The following ZNF215 variants were observed in gnomAD, a reference collection of about 807,000 sequenced individuals.
ZNF215 encodes the protein zinc finger protein 215, also known as BWSCR2-associated zinc finger protein 2.
Under a neutral mutation model 27.2 loss-of-function variants are expected in ZNF215, and 24 were observed. That is an observed-to-expected ratio of 0.88 (90% CI 0.64 to 1.24). The LOEUF is 1.24. Among genes scored for constraint, ZNF215 ranks in the 50% most tolerant of loss-of-function variants. The pLI is 0.00. For synonymous variants in ZNF215, 210 were observed against 204.0 expected (o/e 1.03, Z -0.25); for missense variants, 675 against 605.7 (o/e 1.11, Z -1.20).
At chr11:6,986,696 A>G (rs1249413350), downstream of ZNF215, among the ~76,000 whole-genome samples, 1 of 151,508 alleles carries the variant, frequency 6.6e-6, no homozygotes, top group Non-Finnish European at 1.5e-5. Flanking sequence ...AGCAAAGGAC[A>G]TGAACAGACA....
At chr11:6,980,574 G>A (rs1165260532) in intron 5 of ZNF215, among the ~76,000 whole-genome samples, 2 of 151,586 alleles carry the variant, frequency 1.3e-5, no homozygotes, top group African/African-American at 2.4e-5. Context: ...CCAGTCATTT[G>A]AAAAATGAAA....
intron 6 of ZNF215, among the ~76,000 whole-genome samples, chr11:6,953,467 T>G (rs1030582759): frequency 1.3e-5 from 2 of 152,222 alleles, no homozygotes; most frequent in African/African-American, 2.4e-5. Flanking sequence ...CCTCCTTTCT[T>G]GCTTCATTTC....
chr11:6,948,010 C>T (rs1002136046), intron 6 of ZNF215, among the ~76,000 whole-genome samples: 2 of 152,190 alleles, frequency 1.3e-5, no homozygotes, highest in Non-Finnish European at 1.5e-5. Flanking sequence ...CAGAAGATGT[C>T]ACCTTAAAGA....
At chr11:6,970,783 G>A (rs1056173945) in intron 5 of ZNF215, among the ~76,000 whole-genome samples, 1 of 152,040 alleles carries the variant, frequency 6.6e-6, no homozygotes, top group Non-Finnish European at 1.5e-5. Flanking sequence ...TACAACATAT[G>A]CTCTGCTTCT....
At chr11:6,942,965 A>G (rs80109328) in intron 4 of ZNF215, 118 bp from the exon 5 acceptor site, 64,465 of 1,435,094 alleles carry the variant, frequency 0.045, 3,180 homozygotes, top group African/African-American at 0.25. Flanking sequence ...GTCCTCAGAC[A>G]TTGTCCTATC....
chr11:6,962,447 T>C (rs573492840), downstream of ZNF215, among the ~76,000 whole-genome samples: 2 of 152,268 alleles, frequency 1.3e-5, no homozygotes, highest in South Asian at 2.1e-4. Flanking sequence ...GGGATCCAAA[T>C]TGATCTGATA....
rs755610347 is a variant in ZNF215 at position 6,955,801 on chromosome 11, G to A, written c.824G>A (p.Arg275Lys). The change falls in exon 7 of 7, where the codon AGG becomes AAG. Residue 275 changes from arginine (R) to lysine (K), a missense_variant. Coordinates refer to ENST00000278319, the MANE Select transcript of ZNF215 (RefSeq NM_013250.4). ...TGGAAAGGTGAGAATTGGTTATATA[G>A]GAACCAGAAAAAATGGGACATAAAT... ...DAWKGENWLY[R>K]NQKKWDINLP... 6.2e-7 allele frequency: 1 copy of A among 1,613,732 alleles called. No individual in the cohort carries two copies. The highest frequency in any genetic ancestry group is 8.5e-7 in the Non-Finnish European group (1 of 1,179,926).
Position 6,932,293 on chromosome 11 carries a change from G to C in ZNF215, c.21G>C (p.Leu7Phe), listed in dbSNP as rs748605741. Reference sequence around the variant, plus strand: ...GGAAGATGCAGCCTCTGAGCAAGTTGATGGCTATCTCAAAACCTCGAAACC... The same window carrying C: ...GGAAGATGCAGCCTCTGAGCAAGTTCATGGCTATCTCAAAACCTCGAAACC... MQPLSK[L>F]MAISKPRNLS... Residue 7 changes from leucine (L) to phenylalanine (F), a missense_variant, in exon 3 of 7, where the codon TTG becomes TTC. Physicochemically the swap from Leu to Phe is conservative, Grantham distance 22. Transcript: ENST00000278319. 2.5e-6 allele frequency: 4 copies of C among 1,613,868 alleles called. No individual in the cohort carries two copies. The highest frequency in any genetic ancestry group is 1.7e-5 in the Admixed American group (1 of 59,982).
chr11:6,941,885 A>G (rs1849642755), intron 4 of ZNF215, among the ~76,000 whole-genome samples: 1 of 152,204 alleles, frequency 6.6e-6, no homozygotes, highest in Non-Finnish European at 1.5e-5. Flanking sequence ...TGTAGACACT[A>G]TAGATGTAGA....
intron 5 of ZNF215, among the ~76,000 whole-genome samples, chr11:6,977,984 C>G (rs556122019): frequency 6.6e-6 from 1 of 151,990 alleles, no homozygotes; most frequent in Non-Finnish European, 1.5e-5. Flanking sequence ...GACTCAAATC[C>G]GGGAAAAGGC....
chr11:6,940,605 G>T (rs1210948762), intron 3 of ZNF215, among the ~76,000 whole-genome samples: 2 of 152,184 alleles, frequency 1.3e-5, no homozygotes, highest in Non-Finnish European at 2.9e-5. Context: ...CACCAGGCCT[G>T]CCCTGATGTG....
At chr11:6,945,553 G>A (rs1245030161) in intron 6 of ZNF215, among the ~76,000 whole-genome samples, 1 of 152,174 alleles carries the variant, frequency 6.6e-6, no homozygotes, top group East Asian at 1.9e-4. Flanking sequence ...ATGACTTCAT[G>A]TAGCTAACTC....
chr11:6,956,317 G>T lies in ZNF215; in HGVS notation c.1340G>T (p.Ser447Ile). 6.2e-7 allele frequency: 1 copy of T among 1,614,152 alleles called. No individual in the cohort carries two copies. The highest frequency in any genetic ancestry group is 2.2e-5 in the East Asian group (1 of 44,876). Residue 447 changes from serine (S) to isoleucine (I), a missense_variant, in exon 7 of 7, where the codon AGT becomes ATT. Ser to Ile is a moderately radical substitution (Grantham distance 142). Coordinates refer to ENST00000278319, the MANE Select transcript of ZNF215 (RefSeq NM_013250.4). ...SNKCGKAFSK[S>I]EDSNNPTLHF... ...AAATGTGGAAAGGCCTTCAGTAAAA[G>T]TGAAGACAGTAATAATCCAACACTC...
chr11:6,974,705 A>G (rs377062722), intron 5 of ZNF215, among the ~76,000 whole-genome samples: 19 of 151,628 alleles, frequency 1.3e-4, no homozygotes, highest in Admixed American at 5.9e-4. Context: ...TCTGTTATTG[A>G]TGTATAAGAA....
downstream of ZNF215, among the ~76,000 whole-genome samples, chr11:6,961,152 T>C (rs1426822922): frequency 6.6e-6 from 1 of 152,092 alleles, no homozygotes; most frequent in Non-Finnish European, 1.5e-5. Flanking sequence ...ATCGTAGAAT[T>C]TGCTCCCACA....
At chr11:6,941,320 T>C (rs1176537621) in intron 3 of ZNF215, among the ~76,000 whole-genome samples, 1 of 151,980 alleles carries the variant, frequency 6.6e-6, no homozygotes, top group African/African-American at 2.4e-5. Context: ...CTGAAAATAT[T>C]ATTTTGTCCC....
At chr11:6,971,190 A>T (rs1327184893) in intron 5 of ZNF215, among the ~76,000 whole-genome samples, 2 of 152,278 alleles carry the variant, frequency 1.3e-5, no homozygotes, top group East Asian at 1.9e-4. Context: ...ACTAATAAGG[A>T]TCGTCTCTTA....
chr11:6,969,354 G>A (rs1850679173), intron 5 of ZNF215, among the ~76,000 whole-genome samples: 1 of 151,842 alleles, frequency 6.6e-6, no homozygotes, highest in African/African-American at 2.4e-5. Flanking sequence ...ACTCCTTGTG[G>A]AATTAAGAAA....
At chr11:6,955,614 C>T in intron 6 of ZNF215, 76 bp from the exon 7 acceptor site, 2 of 1,494,498 alleles carry the variant, frequency 1.3e-6, no homozygotes, top group African/African-American at 2.8e-5. Context: ...TATGCATATA[C>T]CTTATACAGT....
Sources: gnomAD v4.1 joint callset for allele counts (sites outside exome capture counted in the v4.1 genomes callset) on GRCh38, gnomAD v4.1.1 for gene constraint, MANE v1.5 for transcripts, NCBI Gene and HGNC (gene_info 2026-07-23, HGNC 2026-07-21) for gene names.